Variants in MRTFA observed in about 807,000 individuals in gnomAD.
The protein encoded by MRTFA is myocardin related transcription factor A.
MRTFA carries 20 observed loss-of-function variants against 83.5 expected under a neutral mutation model. The ratio of observed to expected loss-of-function variants is 0.24; its 90% CI spans 0.17 to 0.35. The LOEUF is 0.35. Ranked by LOEUF, MRTFA falls within the 10% of genes least tolerant of loss-of-function variation. The probability of loss-of-function intolerance (pLI) is 1.00; values close to 1 mark genes in which losing one functional copy is unlikely to be tolerated. For missense variants in MRTFA, 1,200 were observed against 1,224.7 expected (o/e 0.98, Z 0.30); for synonymous variants, 659 against 541.2 (o/e 1.22, Z -3.02).
In MRTFA at chr22:40,513,974, G is replaced by A. The variant is rs188673803; in HGVS notation, c.241+38132C>T. Among the ~76,000 whole-genome samples the A allele has an allele frequency of 1.2e-3, 175 of 151,504 alleles. 1 individual carries two copies. In the Middle Eastern group the frequency reaches 0.024, roughly 21 times the overall value. Reference sequence around the variant, plus strand: ...TTTTTTTTTAAGTTAAAAAGAGGCCGGGCACGGTGGCTCACACCTGTAATC... The same window carrying A: ...TTTTTTTTTAAGTTAAAAAGAGGCCAGGCACGGTGGCTCACACCTGTAATC... On this transcript the variant is annotated intron_variant, in intron 3 of 14. Coordinates refer to ENST00000355630, the MANE Select transcript of MRTFA (RefSeq NM_020831.6).
intron 4 of MRTFA, among the ~76,000 whole-genome samples, chr22:40,435,760 G>A (rs1208840189): frequency 6.6e-6 from 1 of 151,924 alleles, no homozygotes; most frequent in East Asian, 1.9e-4. Flanking sequence ...GTGAAACCCT[G>A]TCTCTACTAA....
At position 40,435,662 on chromosome 22, in the gene MRTFA, G is replaced by A. The variant is rs1252090452; in HGVS notation, c.308-108C>T. 4 of 1,239,694 alleles carry A rather than the reference G, an allele frequency of 3.2e-6. No individual in the cohort carries two copies. In the South Asian group the frequency reaches 3.6e-5, roughly 11 times the overall value. 76.8% of individuals were successfully genotyped at this position (1,239,694 alleles called of 1,614,324 possible). On this transcript the variant is annotated intron_variant, in intron 4 of 14. Transcript: ENST00000355630. The stretch of plus-strand genomic sequence containing the variant: ...AAATTCATGTTACTGGCTGGGCGTG[G>A]TGGCTCACGCCTGTAATCCCAACAC...
intron 3 of MRTFA, among the ~76,000 whole-genome samples, chr22:40,543,444 G>T (rs2055319620): frequency 6.6e-6 from 1 of 152,152 alleles, no homozygotes; most frequent in South Asian, 2.1e-4. Context: ...CACTGTGAAA[G>T]AGGAAAGGCC....
At chr22:40,619,459 T>C (rs2056493030) in intron 1 of MRTFA, among the ~76,000 whole-genome samples, 1 of 152,074 alleles carries the variant, frequency 6.6e-6, no homozygotes, top group Non-Finnish European at 1.5e-5. Flanking sequence ...TGTCCAACAG[T>C]TGTATGGAAA....
chr22:40,411,346 C>T lies in MRTFA; in HGVS notation c.*44G>A. 3 of 1,521,340 alleles carry T rather than the reference C, an allele frequency of 2.0e-6. No homozygotes were observed. Among genetic ancestry groups the T allele is most frequent in the East Asian group, 2.3e-5 (1 of 43,718 alleles). 94.2% of individuals were successfully genotyped at this position (1,521,340 alleles called of 1,614,324 possible). A position where few individuals can be genotyped will look rare whatever the true frequency, so the allele number is the denominator to read the frequency against. On this transcript the variant is annotated 3_prime_UTR_variant, in exon 15 of 15. Transcript: ENST00000355630. ...CGCAGGAGAGCCACGCATTGGAGTA[C>T]CCTGGCTCCCAGCCCCTTCCCCACC...
chr22:40,421,643 A>G (rs1408693421), intron 9 of MRTFA, among the ~76,000 whole-genome samples: 1 of 152,182 alleles, frequency 6.6e-6, no homozygotes, highest in African/African-American at 2.4e-5. Context: ...GCTCCTATTC[A>G]TGCCCCCAAA....
At chr22:40,459,780 TATACACAC>T (rs1217536255) in intron 4 of MRTFA, among the ~76,000 whole-genome samples, 2 of 80,822 alleles carry the variant, frequency 2.5e-5, no homozygotes, top group African/African-American at 4.8e-5. Context: ...ACTGATAAAA[TATACACAC>T]ACACACACAC....
intron 2 of MRTFA, among the ~76,000 whole-genome samples, chr22:40,563,286 T>C (rs1195230731): frequency 2.0e-5 from 3 of 152,152 alleles, no homozygotes; most frequent in South Asian, 4.1e-4. Context: ...CATCCCAAGA[T>C]TGCTTTTATC....
At chr22:40,414,785 G>A (rs113494099) in intron 14 of MRTFA, among the ~76,000 whole-genome samples, 2 of 152,118 alleles carry the variant, frequency 1.3e-5, no homozygotes, top group Non-Finnish European at 2.9e-5. Flanking sequence ...GAGCGGATAG[G>A]GGTGACAGTT....
chr22:40,471,564 G>A (rs943252762), intron 3 of MRTFA, among the ~76,000 whole-genome samples: 4 of 152,282 alleles, frequency 2.6e-5, no homozygotes, highest in Middle Eastern at 3.4e-3. Context: ...AGAAAGCTTC[G>A]CTGATATATT....
intron 10 of MRTFA, 92 bp downstream of exon 10, chr22:40,420,755 G>A (rs2052817441): frequency 1.9e-6 from 3 of 1,574,706 alleles, no homozygotes; most frequent in African/African-American, 1.3e-5. Context: ...GGTCCTTAAA[G>A]ATGTGAGGTT....
intron 3 of MRTFA, among the ~76,000 whole-genome samples, chr22:40,490,158 G>A (rs2054248071): frequency 6.6e-6 from 1 of 151,924 alleles, no homozygotes; most frequent in Admixed American, 6.5e-5. Context: ...GAATTACAAA[G>A]TCAAAGGTAG....
chr22:40,507,896 G>A (rs1010264392), intron 3 of MRTFA, among the ~76,000 whole-genome samples: 6 of 137,470 alleles, frequency 4.4e-5, no homozygotes, highest in African/African-American at 1.6e-4. Context: ...CCGGGAGGCA[G>A]AGGTTGCAGT....
At chr22:40,510,396 A>G (rs994124501) in intron 3 of MRTFA, among the ~76,000 whole-genome samples, 2 of 152,160 alleles carry the variant, frequency 1.3e-5, no homozygotes, top group Admixed American at 6.6e-5. Flanking sequence ...AGGGGCTGGT[A>G]GGGTTCTTGA....
At chr22:40,604,703 C>T (rs1177096993) in intron 1 of MRTFA, among the ~76,000 whole-genome samples, 2 of 151,834 alleles carry the variant, frequency 1.3e-5, no homozygotes, top group Admixed American at 6.6e-5. Context: ...GCCAAGATCG[C>T]GCCATTGCAC....
At chr22:40,466,434 C>T (rs1198139380) in intron 3 of MRTFA, among the ~76,000 whole-genome samples, 2 of 152,140 alleles carry the variant, frequency 1.3e-5, no homozygotes, top group African/African-American at 4.8e-5. Context: ...GGTACTGGAA[C>T]TAGGATTCGT....
intron 1 of MRTFA, among the ~76,000 whole-genome samples, chr22:40,631,350 T>C (rs78694459): frequency 0.081 from 12,396 of 152,230 alleles, 750 homozygotes; most frequent in East Asian, 0.25. Flanking sequence ...ATGACATGCA[T>C]GTAAAGCTGT....
At chr22:40,486,511 T>A (rs2054177179) in intron 3 of MRTFA, among the ~76,000 whole-genome samples, 1 of 152,196 alleles carries the variant, frequency 6.6e-6, no homozygotes, top group Non-Finnish European at 1.5e-5. Flanking sequence ...TTTTCTTCCT[T>A]CCACTCTAGG....
chr22:40,492,164 CA>C (rs2054282549), intron 3 of MRTFA, among the ~76,000 whole-genome samples: 1 of 152,096 alleles, frequency 6.6e-6, no homozygotes, highest in African/African-American at 2.4e-5. Flanking sequence ...TGCAATAAAC[CA>C]CTCTTCCTTC....
Sources: gnomAD v4.1 joint callset for allele counts (sites outside exome capture counted in the v4.1 genomes callset) on GRCh38, gnomAD v4.1.1 for gene constraint, MANE v1.5 for transcripts, NCBI Gene and HGNC (gene_info 2026-07-23, HGNC 2026-07-21) for gene names.